Variants in TMEM87B observed in about 807,000 individuals in gnomAD.
TMEM87B encodes the protein transmembrane protein 87B.
A neutral mutation model predicts 80.3 loss-of-function variants in TMEM87B; 83 were observed. The observed-to-expected ratio is 1.03, with a 90% CI of 0.87 to 1.24. TMEM87B has a LOEUF of 1.24. Among genes scored for constraint, TMEM87B ranks in the 50% most tolerant of loss-of-function variants. TMEM87B has a pLI of 0.00. For synonymous variants in TMEM87B, 219 were observed against 230.5 expected (o/e 0.95, Z 0.45); for missense variants, 625 against 674.4 (o/e 0.93, Z 0.81).
At chr2:112,060,954 T>C (rs1322826790) in intron 2 of TMEM87B, among the ~76,000 whole-genome samples, 2 of 152,238 alleles carry the variant, frequency 1.3e-5, no homozygotes, top group Non-Finnish European at 2.9e-5. Flanking sequence ...GAAATTTAAC[T>C]TTGAGTCTCA....
chr2:112,065,705 C>T (rs1293028178), intron 3 of TMEM87B, among the ~76,000 whole-genome samples: 2 of 151,552 alleles, frequency 1.3e-5, no homozygotes, highest in African/African-American at 4.9e-5. Context: ...AGAGCAGGCG[C>T]CCCCGCTCCC....
chr2:112,110,529 T>C (rs1481148207), intron 17 of TMEM87B, among the ~76,000 whole-genome samples: 4 of 152,176 alleles, frequency 2.6e-5, no homozygotes, highest in African/African-American at 9.6e-5. Context: ...ATTTTCCTTC[T>C]TTTTTCTTTC....
chr2:112,057,814 G>A (rs1000868764), intron 1 of TMEM87B, among the ~76,000 whole-genome samples: 3 of 149,508 alleles, frequency 2.0e-5, no homozygotes, highest in Admixed American at 6.7e-5. Flanking sequence ...CTGGAGGAGA[G>A]ACCTGCCTCA....
chr2:112,076,500 C>T (rs528285868), intron 5 of TMEM87B, among the ~76,000 whole-genome samples: 2 of 151,942 alleles, frequency 1.3e-5, no homozygotes, highest in Admixed American at 6.5e-5. Context: ...CCACCACACC[C>T]GGCTAATTTT....
At chr2:112,113,050 T>C (rs1314194177) in intron 18 of TMEM87B, 121 bp downstream of exon 18, 16 of 879,566 alleles carry the variant, frequency 1.8e-5, no homozygotes, top group Non-Finnish European at 5.2e-6. Flanking sequence ...GACAGAAAGA[T>C]GCTATGAATT....
chr2:112,056,118 C>T lies in TMEM87B; in HGVS notation c.165+362C>T, dbSNP rs540280047. 1.6e-4 allele frequency among the ~76,000 whole-genome samples: 24 copies of T among 152,260 alleles called. 1 individual carries two copies. The highest frequency in any genetic ancestry group is 5.8e-4 in the African/African-American group (24 of 41,554). ...CTAGCAGCATCTTTGGGATTCGACTCTTCCTGTCCGGATGCAGCCACAGTG... is the reference window on the plus strand; with the variant it reads ...CTAGCAGCATCTTTGGGATTCGACTTTTCCTGTCCGGATGCAGCCACAGTG... On this transcript the variant is annotated intron_variant, in intron 1 of 18. Coordinates refer to ENST00000283206, the MANE Select transcript of TMEM87B (RefSeq NM_032824.3).
chr2:112,099,558 A>ATATATATATATATG (rs1558847662), intron 14 of TMEM87B, among the ~76,000 whole-genome samples: 9 of 44,916 alleles, frequency 2.0e-4, no homozygotes, highest in African/African-American at 1.3e-3. Flanking sequence ...ATATATATAC[A>ATATATATATATATG]CACACACACG....
chr2:112,113,021 G>C (rs903669009), intron 18 of TMEM87B, 92 bp downstream of exon 18: 1 of 1,196,970 alleles, frequency 8.4e-7, no homozygotes, highest in Admixed American at 2.0e-5. Context: ...TACTTTTTAA[G>C]ATTATTATAA....
At chr2:112,088,868 C>T (rs939778852) in intron 9 of TMEM87B, among the ~76,000 whole-genome samples, 60 of 152,118 alleles carry the variant, frequency 3.9e-4, no homozygotes, top group African/African-American at 1.4e-3. Flanking sequence ...AAGCGATTCT[C>T]GTGCCTCAAC....
intron 15 of TMEM87B, among the ~76,000 whole-genome samples, chr2:112,101,403 A>G (rs1679627911): frequency 2.0e-5 from 3 of 152,140 alleles, no homozygotes; most frequent in Admixed American, 6.5e-5. Context: ...ACCTCTAGCT[A>G]CTCTAAACCA....
chr2:112,106,775 A>G (rs572124796), intron 16 of TMEM87B, among the ~76,000 whole-genome samples: 4 of 152,230 alleles, frequency 2.6e-5, no homozygotes, highest in Non-Finnish European at 5.9e-5. Flanking sequence ...TTATGTATGC[A>G]TATATAAGTT....
intron 8 of TMEM87B, among the ~76,000 whole-genome samples, chr2:112,084,587 C>G (rs1172417836): frequency 6.6e-6 from 1 of 151,804 alleles, no homozygotes; most frequent in Non-Finnish European, 1.5e-5. Flanking sequence ...GCCTGTAGTT[C>G]TAGATCTATC....
At chr2:112,113,226 G>A (rs1225971073) in intron 18 of TMEM87B, among the ~76,000 whole-genome samples, 1 of 152,172 alleles carries the variant, frequency 6.6e-6, no homozygotes, top group Non-Finnish European at 1.5e-5. Context: ...GATACTTGTA[G>A]ACATTTTGCT....
rs1329568034 is a variant in TMEM87B, at chr2:112,060,055, A to G, written c.226+18A>G. The G allele has an allele frequency of 2.6e-6, 4 of 1,546,692 alleles. No individual in the cohort carries two copies. Among genetic ancestry groups the G allele is most frequent in the South Asian group, 1.2e-5 (1 of 85,406 alleles). ...GTTATCTGGTAAGTATAATAAAACA[A>G]TAAAATACTAGACTGGGCGCAATGG... is the stretch of plus-strand genomic sequence containing the variant. On this transcript the variant is annotated intron_variant, in intron 2 of 18. Coordinates refer to ENST00000283206, the MANE Select transcript of TMEM87B (RefSeq NM_032824.3).
chr2:112,098,849 T>A, intron 14 of TMEM87B, 151 bp downstream of exon 14: 6 of 704,338 alleles, frequency 8.5e-6, no homozygotes, highest in Admixed American at 8.3e-5. Context: ...TGCAAGACAG[T>A]GAAAAAAGAG....
At chr2:112,059,857 T>G in intron 1 of TMEM87B, 120 bp from the exon 2 acceptor site, 1 of 1,299,796 alleles carries the variant, frequency 7.7e-7, no homozygotes, top group Non-Finnish European at 1.0e-6. Flanking sequence ...AGATTTACGT[T>G]AAAAAAATAC....
At chr2:112,106,471 C>G (rs1389107788) in intron 16 of TMEM87B, among the ~76,000 whole-genome samples, 1 of 151,948 alleles carries the variant, frequency 6.6e-6, no homozygotes, top group Non-Finnish European at 1.5e-5. Context: ...AACTTTTCAG[C>G]CTATGAAAGT....
intron 5 of TMEM87B, 85 bp downstream of exon 5, chr2:112,075,047 G>A: frequency 6.7e-7 from 1 of 1,490,812 alleles, no homozygotes; most frequent in African/African-American, 1.4e-5. Context: ...GATACTTAGA[G>A]AGTGATATAA....
In TMEM87B at chr2:112,091,728, CTGT is replaced by C. The variant is rs757561915; in HGVS notation, c.1054_1056del (p.Val352del). On this transcript the variant is annotated inframe_deletion, in exon 11 of 19. Transcript: ENST00000283206. The stretch of plus-strand genomic sequence containing the variant: ...ATCTTTCAGGGTTCTAACCATTTAG[CTGT>C]TGTTCTTGATGACATTATTTTAGCA... The C allele has an allele frequency of 1.2e-5, 20 of 1,612,810 alleles. No homozygotes were observed. The African/African-American group carries it at 2.4e-4, about 19-fold the overall frequency.
Sources: gnomAD v4.1 joint callset for allele counts (sites outside exome capture counted in the v4.1 genomes callset) on GRCh38, gnomAD v4.1.1 for gene constraint, MANE v1.5 for transcripts, NCBI Gene and HGNC (gene_info 2026-07-23, HGNC 2026-07-21) for gene names.